The following DOCK3 variants were observed in gnomAD, a reference collection of about 807,000 sequenced individuals.
DOCK3 encodes the protein dedicator of cytokinesis protein 3.
In DOCK3, 60 loss-of-function variants were observed where a neutral mutation model predicts 265.6. The ratio of observed to expected loss-of-function variants is 0.23; its 90% CI spans 0.18 to 0.28. The LOEUF (loss-of-function observed/expected upper bound fraction) is 0.28, where lower values mean the gene tolerates loss of function less well. Among genes scored for constraint, DOCK3 ranks in the 10% least tolerant of loss-of-function variants. DOCK3 has a pLI of 1.00. For synonymous variants in DOCK3, 881 were observed against 938.0 expected, an observed-to-expected ratio of 0.94 and a Z score of 1.11; for missense variants, 1,981 against 2,594.3, an observed-to-expected ratio of 0.76 and a Z score of 5.14.
At position 51,354,915 on chromosome 3, in the gene DOCK3, G is replaced by A. The variant is rs1358091416; in HGVS notation, c.4141G>A (p.Glu1381Lys). 1 of 1,613,768 alleles carries A rather than the reference G, an allele frequency of 6.2e-7. No homozygotes were observed. Among genetic ancestry groups the A allele is most frequent in the African/African-American group, 1.3e-5 (1 of 74,932 alleles). The change falls in exon 41 of 53, where the codon GAG (glutamate) becomes AAG (lysine). Residue 1381 changes from glutamate (E) to lysine (K), a missense_variant. Glu to Lys is a moderately conservative substitution (Grantham distance 56). Coordinates refer to ENST00000266037, the MANE Select transcript of DOCK3 (RefSeq NM_004947.5). ...ATACGTGTGCCGTGGCCATGACTAC[G>A]AGAGGCTGGAGGCCTTCCAGCAGAG... Reference protein sequence around the residue: ...KEYVCRGHDYERLEAFQQRML... With the variant: ...KEYVCRGHDYKRLEAFQQRML...
At chr3:51,262,520 G>T (rs2079914098) in intron 23 of DOCK3, among the ~76,000 whole-genome samples, 1 of 152,162 alleles carries the variant, frequency 6.6e-6, no homozygotes, top group Non-Finnish European at 1.5e-5. Flanking sequence ...TCCTCCAGAG[G>T]ATCACAACTC....
intron 9 of DOCK3, among the ~76,000 whole-genome samples, chr3:51,097,725 C>G (rs113089127): frequency 6.9e-4 from 105 of 152,262 alleles, no homozygotes; most frequent in African/African-American, 2.5e-3. Context: ...TGCTTGAAAT[C>G]CAGGGCCCTG....
At chr3:51,062,606 G>A (rs958965735) in intron 5 of DOCK3, among the ~76,000 whole-genome samples, 1 of 152,124 alleles carries the variant, frequency 6.6e-6, no homozygotes, top group African/African-American at 2.4e-5. Context: ...CCTATTGCCT[G>A]CTCTCTAGAT....
chr3:51,047,718 A>G (rs2109084894), intron 5 of DOCK3, among the ~76,000 whole-genome samples: 1 of 152,330 alleles, frequency 6.6e-6, no homozygotes, highest in East Asian at 1.9e-4. Context: ...TGAACAGACC[A>G]ATAACAAATA....
chr3:51,244,751 T>C (rs2078750758), intron 21 of DOCK3, among the ~76,000 whole-genome samples: 1 of 152,364 alleles, frequency 6.6e-6, no homozygotes, highest in South Asian at 2.1e-4. Flanking sequence ...ATTCTTATCT[T>C]ATTTCTGATC....
intron 4 of DOCK3, chr3:50,900,837 C>T: frequency 2.5e-6 from 1 of 407,934 alleles, no homozygotes. Context: ...AAGATTGCTG[C>T]CCTCTGGAAG....
At chr3:50,695,652 G>A (rs1013307808) in intron 1 of DOCK3, among the ~76,000 whole-genome samples, 12 of 152,170 alleles carry the variant, frequency 7.9e-5, no homozygotes, top group Non-Finnish European at 1.6e-4. Flanking sequence ...TGGAACTTTG[G>A]AATGCGAGAG....
intron 9 of DOCK3, among the ~76,000 whole-genome samples, chr3:51,126,026 T>A (rs2084249508): frequency 6.6e-6 from 1 of 152,236 alleles, no homozygotes. Flanking sequence ...AGGAAAACAC[T>A]ATATCGTGTT....
intron 12 of DOCK3, among the ~76,000 whole-genome samples, chr3:51,163,433 A>T (rs1413932260): frequency 6.6e-6 from 1 of 151,992 alleles, no homozygotes; most frequent in Admixed American, 6.6e-5. Flanking sequence ...TAAGAAGCTG[A>T]GGCATGAAAA....
intron 5 of DOCK3, among the ~76,000 whole-genome samples, chr3:51,000,032 A>G (rs1335688361): frequency 6.6e-6 from 1 of 152,176 alleles, no homozygotes; most frequent in Non-Finnish European, 1.5e-5. Context: ...GATCAGCCCA[A>G]AGTGAAAACT....
intron 1 of DOCK3, among the ~76,000 whole-genome samples, chr3:50,757,691 A>G (rs1311872420): frequency 6.6e-6 from 1 of 152,054 alleles, no homozygotes. Flanking sequence ...ACAGTTGACA[A>G]ATTCAAGGCC....
chr3:51,363,755 C>G (rs2086913752), intron 49 of DOCK3, among the ~76,000 whole-genome samples: 2 of 152,158 alleles, frequency 1.3e-5, no homozygotes, highest in Non-Finnish European at 2.9e-5. Context: ...TCTGTCCTTG[C>G]AATAGTTTGC....
chr3:51,380,828 C>T (rs1306632859), intron 52 of DOCK3, among the ~76,000 whole-genome samples: 1 of 152,180 alleles, frequency 6.6e-6, no homozygotes, highest in Non-Finnish European at 1.5e-5. Flanking sequence ...GCCCAGCAGC[C>T]AGGGCAGGGC....
chr3:51,238,345 T>C (rs1178985825), intron 21 of DOCK3, among the ~76,000 whole-genome samples: 2 of 151,908 alleles, frequency 1.3e-5, no homozygotes, highest in African/African-American at 2.4e-5. Flanking sequence ...GGTTTCACCA[T>C]GTTAGCCAGG....
At chr3:51,150,105 A>T (rs2085506187) in intron 10 of DOCK3, among the ~76,000 whole-genome samples, 1 of 152,146 alleles carries the variant, frequency 6.6e-6, no homozygotes, top group Non-Finnish European at 1.5e-5. Context: ...CATTTCTTCT[A>T]GATTTTCTAG....
At chr3:51,273,884 ACAG>A (rs1560329459) in intron 24 of DOCK3, among the ~76,000 whole-genome samples, 1 of 152,252 alleles carries the variant, frequency 6.6e-6, no homozygotes, top group Non-Finnish European at 1.5e-5. Context: ...ACGTAGGAAT[ACAG>A]GGTGCCAGAA....
At chr3:50,798,896 GTA>G (rs2042927621) in intron 2 of DOCK3, among the ~76,000 whole-genome samples, 1 of 152,106 alleles carries the variant, frequency 6.6e-6, no homozygotes, top group Non-Finnish European at 1.5e-5. Flanking sequence ...GTTGATTTTT[GTA>G]TAGAGTGAGA....
intron 5 of DOCK3, among the ~76,000 whole-genome samples, chr3:51,059,455 CCACACACACACACACA>C (rs57596003): frequency 1.9e-4 from 27 of 140,716 alleles, no homozygotes; most frequent in Middle Eastern, 3.6e-3. Flanking sequence ...AGAAAAAAAA[CCACACACACACACACA>C]CACACACACA....
intron 9 of DOCK3, among the ~76,000 whole-genome samples, chr3:51,098,909 C>T (rs1022168276): frequency 4.6e-5 from 7 of 152,154 alleles, no homozygotes; most frequent in African/African-American, 1.2e-4. Flanking sequence ...CTAAAAATTA[C>T]GAGGGGCTAG....
Sources: gnomAD v4.1 joint callset for allele counts (sites outside exome capture counted in the v4.1 genomes callset) on GRCh38, gnomAD v4.1.1 for gene constraint, MANE v1.5 for transcripts, NCBI Gene and HGNC (gene_info 2026-07-23, HGNC 2026-07-21) for gene names.